The following SLC12A2 variants were observed in gnomAD, a reference collection of about 807,000 sequenced individuals.
SLC12A2 encodes Na-K-2Cl cotransporter 1.
Under a neutral mutation model 136.3 loss-of-function variants are expected in SLC12A2, and 67 were observed. The ratio of observed to expected loss-of-function variants is 0.49; its 90% CI spans 0.40 to 0.60. The LOEUF (loss-of-function observed/expected upper bound fraction) is 0.60. Among genes scored for constraint, SLC12A2 ranks in the 20% least tolerant of loss-of-function variants. The pLI is 0.00. For missense variants in SLC12A2, 1,322 were observed against 1,534.7 expected, an observed-to-expected ratio of 0.86 and a Z score of 2.32; for synonymous variants, 619 against 562.9, an observed-to-expected ratio of 1.10 and a Z score of -1.41.
chr5:128,131,054 TG>T lies in SLC12A2; in HGVS notation c.1049-12del. ...TTAGTACCTGTTTTTTTTGTTTGTTTGTTTGTTTTTAGGAGGAGCATATTAT... is the reference window on the plus strand; with the variant it reads ...TTAGTACCTGTTTTTTTTGTTTGTTTTTTGTTTTTAGGAGGAGCATATTAT... On this transcript the variant is annotated splice_polypyrimidine_tract_variant and intron_variant, in intron 4 of 26. Transcript: ENST00000262461. 1 of 1,611,728 alleles carries T rather than the reference TG, an allele frequency of 6.2e-7. No individual in the cohort carries two copies. Among genetic ancestry groups the T allele is most frequent in the Non-Finnish European group, 8.5e-7 (1 of 1,178,970 alleles).
intron 6 of SLC12A2, among the ~76,000 whole-genome samples, chr5:128,135,097 A>G (rs1366420173): frequency 6.6e-6 from 1 of 152,076 alleles, no homozygotes; most frequent in Non-Finnish European, 1.5e-5. Flanking sequence ...CCCACAGATG[A>G]CACCGTTTTT....
chr5:128,087,723 G>T (rs2126635810), intron 1 of SLC12A2, among the ~76,000 whole-genome samples: 1 of 152,272 alleles, frequency 6.6e-6, no homozygotes, highest in South Asian at 2.1e-4. Context: ...GAATGGATTG[G>T]CAGGGGCAAG....
intron 10 of SLC12A2, among the ~76,000 whole-genome samples, chr5:128,142,606 A>G (rs1240080575): frequency 2.0e-5 from 3 of 152,088 alleles, no homozygotes; most frequent in Non-Finnish European, 4.4e-5. Flanking sequence ...GCATGGAATC[A>G]TCTTGCACAT....
intron 6 of SLC12A2, among the ~76,000 whole-genome samples, chr5:128,134,916 C>T (rs994174896): frequency 1.3e-5 from 2 of 151,964 alleles, no homozygotes; most frequent in African/African-American, 2.4e-5. Context: ...GTTTACCAAA[C>T]CAAAAATTAG....
At position 128,084,225 on chromosome 5, in the gene SLC12A2, G is replaced by T. The variant is rs1237748886; in HGVS notation, c.271G>T (p.Gly91Trp). 3 of 1,276,354 alleles carry T rather than the reference G, an allele frequency of 2.4e-6. No homozygotes were observed. Among genetic ancestry groups the T allele is most frequent in the Non-Finnish European group, 2.9e-6 (3 of 1,020,986 alleles). 79.1% of individuals were successfully genotyped at this position (1,276,354 alleles called of 1,614,324 possible). A position where few individuals can be genotyped will look rare whatever the true frequency, so the allele number is the denominator to read the frequency against. The stretch of plus-strand genomic sequence containing the variant: ...GGTGGACCTGGTTTCCGAGAACGCC[G>T]GGCGGGCCGCTGCTGCGGCGGCGGC... ...FQVDLVSENA[G>W]RAAAAAAAAA... Residue 91 changes from glycine (G) to tryptophan (W), a missense_variant, in exon 1 of 27, where the codon GGG becomes TGG. By Grantham distance (184) the Gly-to-Trp change is radical. Around this residue, in one of 8 missense-constraint regions of SLC12A2, gnomAD observed 358 missense variants for 299.7 expected, o/e 1.19. Coordinates refer to ENST00000262461, the MANE Select transcript of SLC12A2 (RefSeq NM_001046.3). This position sits in a 1 kb window ranked among gnomAD's most constrained non-coding sequence, Gnocchi z 5.6.
At chr5:128,090,599 T>C (rs1439482357) in intron 1 of SLC12A2, among the ~76,000 whole-genome samples, 1 of 151,878 alleles carries the variant, frequency 6.6e-6, no homozygotes, top group Non-Finnish European at 1.5e-5. Context: ...TAGGAGACAA[T>C]AAACAAACAA....
intron 7 of SLC12A2, 114 bp from the exon 8 acceptor site, chr5:128,138,483 C>G: frequency 1.1e-6 from 1 of 898,256 alleles, no homozygotes; most frequent in Non-Finnish European, 1.7e-6. Flanking sequence ...AAAATTTACT[C>G]GTTACTTTAA....
Position 128,101,993 on chromosome 5 carries a change from A to G in SLC12A2, c.757-10821A>G, listed in dbSNP as rs562862626. 4.8e-3 allele frequency among the ~76,000 whole-genome samples: 724 copies of G among 152,248 alleles called. 6 individuals are homozygous for G. The highest frequency in any genetic ancestry group is 0.017 in the African/African-American group (695 of 41,556). On this transcript the variant is annotated intron_variant, in intron 1 of 26. Coordinates refer to ENST00000262461, the MANE Select transcript of SLC12A2 (RefSeq NM_001046.3). Reference sequence around the variant, plus strand: ...ACTCTGCCAATATCAAATTATAAGAAGCTATGTAGTAGAGTCTAGATTAGT... The same window carrying G: ...ACTCTGCCAATATCAAATTATAAGAGGCTATGTAGTAGAGTCTAGATTAGT...
intron 16 of SLC12A2, among the ~76,000 whole-genome samples, chr5:128,158,863 G>A (rs1261195069): frequency 1.1e-5 from 1 of 88,360 alleles, no homozygotes; most frequent in Admixed American, 1.1e-4. Context: ...ACCAGCATCT[G>A]TGTTTTTTTT....
chr5:128,094,977 A>G (rs1233955099), intron 1 of SLC12A2, among the ~76,000 whole-genome samples: 4 of 152,176 alleles, frequency 2.6e-5, no homozygotes, highest in Admixed American at 6.5e-5. Context: ...TATATTAGAT[A>G]GTGCTGTCAA....
intron 9 of SLC12A2, among the ~76,000 whole-genome samples, chr5:128,140,289 G>A (rs1041226369): frequency 3.9e-5 from 6 of 152,070 alleles, no homozygotes; most frequent in Non-Finnish European, 7.4e-5. Context: ...GTGAGCCACC[G>A]CGCCCAGCCT....
chr5:128,142,295 G>A (rs1302460202), intron 10 of SLC12A2, among the ~76,000 whole-genome samples: 1 of 152,106 alleles, frequency 6.6e-6, no homozygotes, highest in Admixed American at 6.5e-5. Flanking sequence ...TAAGGATGGG[G>A]TTTTACCATG....
Position 128,084,047 on chromosome 5 carries a change from G to A in SLC12A2, c.93G>A (p.Arg31=). 1 of 1,295,364 alleles carries A rather than the reference G, an allele frequency of 7.7e-7. No individual in the cohort carries two copies. Among genetic ancestry groups the A allele is most frequent in the Non-Finnish European group, 9.8e-7 (1 of 1,025,244 alleles). 80.2% of individuals were successfully genotyped at this position (1,295,364 alleles called of 1,614,324 possible). ...CAGCCGCTGCGCTGGCCGCAGCCAGGGTGGAACTGCCCGGCACGGCTGTGC... is the reference window on the plus strand; with the variant it reads ...CAGCCGCTGCGCTGGCCGCAGCCAGAGTGGAACTGCCCGGCACGGCTGTGC... ...TPSAAALAAA[R]VELPGTAVPS... Residue 31 remains arginine, a synonymous_variant, in exon 1 of 27, where the codon AGG becomes AGA. Transcript: ENST00000262461. This position sits in a 1 kb window ranked among gnomAD's most constrained non-coding sequence, Gnocchi z 5.6.
chr5:128,171,759 GGCAATAA>G lies in SLC12A2; in HGVS notation c.2803+15_2803+21del. The G allele has an allele frequency of 6.6e-7, 1 of 1,506,800 alleles. No homozygotes were observed. The highest frequency in any genetic ancestry group is 9.0e-7 in the Non-Finnish European group (1 of 1,116,094). The allele number at this position is 1,506,800 out of a possible 1,614,324, so 93.3% of individuals were successfully genotyped here. ...CTTCAAGGACAAGGTAAATTTTGTT[GGCAATAA>G]GTTTTTTATTTACAAAAATATAAAC... is the stretch of plus-strand genomic sequence containing the variant. On this transcript the variant is annotated intron_variant, in intron 19 of 26. Coordinates refer to ENST00000262461, the MANE Select transcript of SLC12A2 (RefSeq NM_001046.3).
intron 3 of SLC12A2, 129 bp downstream of exon 3, chr5:128,114,416 T>G (rs1391061286): frequency 1.2e-6 from 1 of 826,926 alleles, no homozygotes; most frequent in East Asian, 2.5e-5. Flanking sequence ...GATTGTTATC[T>G]TGATGTTCCT....
chr5:128,110,795 C>G, intron 1 of SLC12A2: 2 of 1,477,998 alleles, frequency 1.4e-6, no homozygotes, highest in Non-Finnish European at 1.9e-6. Context: ...AAAAAGATAG[C>G]AAAAGCAGGA....
In SLC12A2 at chr5:128,178,678, T is replaced by G; in HGVS notation, c.3089T>G (p.Phe1030Cys). 1 of 1,566,744 alleles carries G rather than the reference T, an allele frequency of 6.4e-7. No homozygotes were observed. The highest frequency in any genetic ancestry group is 1.2e-5 in the South Asian group (1 of 81,616). ...AATACTATTGATGTCTGGTGGCTTT[T>G]TGATGATGGAGGTAAGGTTGTTAAT... ...GKNTIDVWWL[F>C]DDGGLTLLIP... is the part of the protein sequence containing the mutation. The change falls in exon 22 of 27, where the codon TTT (phenylalanine) becomes TGT (cysteine). Residue 1030 changes from phenylalanine (F) to cysteine (C), a missense_variant. Coordinates refer to ENST00000262461, the MANE Select transcript of SLC12A2 (RefSeq NM_001046.3).
At chr5:128,099,142 C>T (rs1243056266) in intron 1 of SLC12A2, among the ~76,000 whole-genome samples, 1 of 152,066 alleles carries the variant, frequency 6.6e-6, no homozygotes, top group Non-Finnish European at 1.5e-5. Flanking sequence ...TTTAGAGAAA[C>T]ACATTATTAG....
At chr5:128,114,071 G>C in intron 2 of SLC12A2, 141 bp from the exon 3 acceptor site, 1 of 632,852 alleles carries the variant, frequency 1.6e-6, no homozygotes, top group Non-Finnish European at 2.8e-6. Flanking sequence ...TTAAAGAAAA[G>C]GGTGGGGTAG....
Sources: gnomAD v4.1 joint callset for allele counts (sites outside exome capture counted in the v4.1 genomes callset) on GRCh38, gnomAD v4.1.1 for gene constraint, gnomAD v4.1.1 regional missense constraint, Gnocchi (gnomAD v3.1) non-coding constraint, MANE v1.5 for transcripts, NCBI Gene and HGNC (gene_info 2026-07-23, HGNC 2026-07-21) for gene names.